The following PDZRN4 variants were observed in gnomAD, a reference collection of about 807,000 sequenced individuals.
The protein encoded by PDZRN4 is PDZ domain containing ring finger 4, also known as PDZ domain-containing RING finger protein 4.
In PDZRN4, 70 loss-of-function variants were observed where a neutral mutation model predicts 99.0. That is an observed-to-expected ratio of 0.71 (90% CI 0.58 to 0.86). PDZRN4 has a LOEUF of 0.86. PDZRN4 is among the 40% of genes least tolerant of loss of function. The pLI is 0.00. For missense variants in PDZRN4, 1,474 were observed against 1,331.2 expected, an observed-to-expected ratio of 1.11 and a Z score of -1.67; for synonymous variants, 551 against 501.6, an observed-to-expected ratio of 1.10 and a Z score of -1.32.
Position 41,272,468 on chromosome 12 carries a change from C to T in PDZRN4, c.843+78280C>T, listed in dbSNP as rs147634617. ...TTTTAAAGCATCATTACTATAATGG[C>T]CCATTTATTGTATTAAATGAGTATT... On this transcript the variant is annotated intron_variant, in intron 3 of 9. Transcript: ENST00000402685. 5.3e-5 allele frequency among the ~76,000 whole-genome samples: 8 copies of T among 152,112 alleles called. No homozygotes were observed. The East Asian group carries it at 1.5e-3, about 29-fold the overall frequency.
At position 41,394,923 on chromosome 12, in the gene PDZRN4, T is replaced by C. The variant is rs192597646; in HGVS notation, c.844-111533T>C. On this transcript the variant is annotated intron_variant, in intron 3 of 9. Transcript: ENST00000402685. ...CACACCATCGCTTCTGCTATTTTTTTATTCATTAGAAGTGAATGTCCATAC... is the reference window on the plus strand; with the variant it reads ...CACACCATCGCTTCTGCTATTTTTTCATTCATTAGAAGTGAATGTCCATAC... 1.5e-3 allele frequency among the ~76,000 whole-genome samples: 232 copies of C among 152,298 alleles called. 1 individual carries two copies. Among genetic ancestry groups the C allele is most frequent in the African/African-American group, 5.2e-3 (216 of 41,564 alleles).
At chr12:41,470,389 GTTGT>G (rs764088644) in intron 3 of PDZRN4, among the ~76,000 whole-genome samples, 1 of 152,024 alleles carries the variant, frequency 6.6e-6, no homozygotes, top group African/African-American at 2.4e-5. Context: ...GTGTTTTTGT[GTTGT>G]TTGTTTGTTT....
At chr12:41,263,029 G>A (rs1342093871) in intron 3 of PDZRN4, among the ~76,000 whole-genome samples, 2 of 151,726 alleles carry the variant, frequency 1.3e-5, no homozygotes, top group Admixed American at 6.6e-5. Context: ...AAATTTACAT[G>A]GTATAGATTA....
chr12:41,572,331 A>C, intron 9 of PDZRN4, 33 bp from the exon 10 acceptor site: 2 of 1,538,218 alleles, frequency 1.3e-6, no homozygotes, highest in East Asian at 2.3e-5. Context: ...AAAATCATTA[A>C]TTTTCTTTGT....
chr12:41,331,032 C>G (rs1476016372), intron 3 of PDZRN4, among the ~76,000 whole-genome samples: 1 of 152,046 alleles, frequency 6.6e-6, no homozygotes, highest in South Asian at 2.1e-4. Context: ...GATTCAAACT[C>G]AAAATATCTA....
At position 41,256,778 on chromosome 12, in the gene PDZRN4, T is replaced by C. The variant is rs147302245; in HGVS notation, c.843+62590T>C. Among the ~76,000 whole-genome samples, 75 of 152,260 alleles carry C rather than the reference T, an allele frequency of 4.9e-4. 3 individuals carry two copies. Among genetic ancestry groups the C allele is most frequent in the African/African-American group, 1.7e-3 (71 of 41,562 alleles). On this transcript the variant is annotated intron_variant, in intron 3 of 9. Transcript: ENST00000402685. ...TTTCTAACTCAAAAGGTCCATCTCA[T>C]TCTTCTGTTTTTCTACCAAATCTGT...
chr12:41,532,201 T>C (rs946046577), intron 5 of PDZRN4, among the ~76,000 whole-genome samples: 2 of 152,284 alleles, frequency 1.3e-5, no homozygotes, highest in Non-Finnish European at 2.9e-5. Context: ...TGGTATGTAG[T>C]TATAACTCCA....
intron 3 of PDZRN4, among the ~76,000 whole-genome samples, chr12:41,396,032 G>C (rs1387828353): frequency 1.3e-5 from 2 of 151,950 alleles, no homozygotes; most frequent in African/African-American, 2.4e-5. Flanking sequence ...TTGTTTACCA[G>C]TCATTCCTCC....
chr12:41,327,975 G>A (rs1218252027), intron 3 of PDZRN4, among the ~76,000 whole-genome samples: 1 of 151,900 alleles, frequency 6.6e-6, no homozygotes, highest in African/African-American at 2.4e-5. Context: ...TTTATGCTGG[G>A]ACATGGCTGA....
intron 3 of PDZRN4, among the ~76,000 whole-genome samples, chr12:41,251,919 C>T (rs1011375389): frequency 1.3e-5 from 2 of 152,074 alleles, no homozygotes; most frequent in South Asian, 4.1e-4. Flanking sequence ...GGTTCAAGAC[C>T]AGCCTAAGCA....
At chr12:41,560,158 A>C (rs571090751) in intron 7 of PDZRN4, among the ~76,000 whole-genome samples, 1 of 152,118 alleles carries the variant, frequency 6.6e-6, no homozygotes, top group South Asian at 2.1e-4. Context: ...GACTTTGATC[A>C]CCTCCTTTGT....
At chr12:41,250,119 C>T (rs1431120) in intron 3 of PDZRN4, among the ~76,000 whole-genome samples, 4,439 of 152,214 alleles carry the variant, frequency 0.029, 235 homozygotes, top group African/African-American at 0.1. Context: ...GGTGTTCAGA[C>T]ATATCATTGT....
At position 41,313,908 on chromosome 12, in the gene PDZRN4, C is replaced by T. The variant is rs1030840866; in HGVS notation, c.843+119720C>T. 2.6e-5 allele frequency among the ~76,000 whole-genome samples: 4 copies of T among 152,112 alleles called. No homozygotes were observed. The South Asian group carries it at 6.2e-4, about 24-fold the overall frequency. ...ATTTTGAAGAGAAAATTGTTGAATG[C>T]TGTGTTTTGTGTGTATCTGTGTGTA... On this transcript the variant is annotated intron_variant, in intron 3 of 9. Transcript: ENST00000402685.
intron 3 of PDZRN4, among the ~76,000 whole-genome samples, chr12:41,268,971 A>G (rs1306969189): frequency 6.6e-6 from 1 of 152,212 alleles, no homozygotes; most frequent in Non-Finnish European, 1.5e-5. Context: ...AGTAACCACC[A>G]ATCATAAATT....
intron 9 of PDZRN4, among the ~76,000 whole-genome samples, chr12:41,568,812 TTA>T (rs10670290): frequency 4.7e-4 from 70 of 148,574 alleles, no homozygotes; most frequent in African/African-American, 1.6e-3. Context: ...ATGTATTTTA[TTA>T]TATATATATA....
At chr12:41,343,012 T>C (rs537281018) in intron 3 of PDZRN4, among the ~76,000 whole-genome samples, 1 of 151,994 alleles carries the variant, frequency 6.6e-6, no homozygotes, top group East Asian at 1.9e-4. Context: ...GAATATGTGG[T>C]TTATATACAC....
rs921843231 is a variant in PDZRN4, at chr12:41,188,537, C to T, written c.82C>T (p.Pro28Ser). Residue 28 changes from proline to serine, a missense_variant, in exon 1 of 10, where the codon CCC (proline) becomes TCC (serine). Physicochemically the swap from Pro to Ser is moderately conservative, Grantham distance 74 (BLOSUM62 -1). Coordinates refer to ENST00000402685, the MANE Select transcript of PDZRN4 (RefSeq NM_001164595.2). Reference sequence around the variant, plus strand: ...ACTGTGCGGCCAGGTGCTTGAAGAGCCCCTGTGCACGCCGTGCGGGCACGT... The same window carrying T: ...ACTGTGCGGCCAGGTGCTTGAAGAGTCCCTGTGCACGCCGTGCGGGCACGT... ...CKLCGQVLEE[P>S]LCTPCGHVFC... 1.1e-5 allele frequency: 17 copies of T among 1,574,978 alleles called. No homozygotes were observed. In the African/African-American group the frequency reaches 1.8e-4, roughly 16 times the overall value.
intron 3 of PDZRN4, among the ~76,000 whole-genome samples, chr12:41,258,172 T>C (rs1453971205): frequency 2.0e-5 from 3 of 152,178 alleles, no homozygotes; most frequent in African/African-American, 4.8e-5. Flanking sequence ...ACTGGACCAG[T>C]TGGTGTGCTC....
intron 3 of PDZRN4, among the ~76,000 whole-genome samples, chr12:41,317,004 G>T (rs1222858966): frequency 1.6e-5 from 2 of 121,380 alleles, no homozygotes; most frequent in East Asian, 2.6e-4. Context: ...GGGAGTAAGG[G>T]GGTGTTATAT....
Sources: gnomAD v4.1 joint callset for allele counts (sites outside exome capture counted in the v4.1 genomes callset) on GRCh38, gnomAD v4.1.1 for gene constraint, MANE v1.5 for transcripts, NCBI Gene and HGNC (gene_info 2026-07-23, HGNC 2026-07-21) for gene names.